The following RAPGEF4 variants were observed in gnomAD, a reference collection of about 807,000 sequenced individuals.
RAPGEF4 encodes Rap guanine nucleotide exchange factor 4.
Under a neutral mutation model 147.9 loss-of-function variants are expected in RAPGEF4, and 66 were observed. The observed-to-expected ratio is 0.45, with a 90% CI of 0.37 to 0.55. The LOEUF is 0.55. RAPGEF4 is among the 20% of genes least tolerant of loss of function. The probability of loss-of-function intolerance (pLI) is 0.00; values close to 1 mark genes in which losing one functional copy is unlikely to be tolerated. For missense variants in RAPGEF4, 1,071 were observed against 1,257.3 expected, an observed-to-expected ratio of 0.85 and a Z score of 2.24; for synonymous variants, 419 against 442.7, an observed-to-expected ratio of 0.95 and a Z score of 0.67.
chr2:172,807,366 C>T (rs565100309), intron 3 of RAPGEF4, among the ~76,000 whole-genome samples: 1 of 152,346 alleles, frequency 6.6e-6, no homozygotes, highest in African/African-American at 2.4e-5. Context: ...CTTGCCTGAT[C>T]TTGTTAAGCT....
At chr2:172,996,577 A>T in intron 16 of RAPGEF4, 23 bp downstream of exon 16, 2 of 1,454,386 alleles carry the variant, frequency 1.4e-6, no homozygotes, top group South Asian at 1.3e-5. Flanking sequence ...AACCGTTTGC[A>T]TGTCCATTAA....
At chr2:172,761,118 A>AT (rs1322146979) in intron 1 of RAPGEF4, among the ~76,000 whole-genome samples, 8 of 145,346 alleles carry the variant, frequency 5.5e-5, no homozygotes, top group Middle Eastern at 3.5e-3. Context: ...TTTTTTTTTA[A>AT]TTTTTTTTTC....
chr2:172,986,313 A>G (rs1692245016), intron 12 of RAPGEF4, among the ~76,000 whole-genome samples: 2 of 152,238 alleles, frequency 1.3e-5, no homozygotes, highest in African/African-American at 4.8e-5. Flanking sequence ...CACTTTTTGC[A>G]TGGACACCTG....
intron 16 of RAPGEF4, among the ~76,000 whole-genome samples, chr2:172,998,477 C>A (rs767687510): frequency 2.0e-5 from 3 of 152,100 alleles, no homozygotes; most frequent in Non-Finnish European, 4.4e-5. Flanking sequence ...ACTTTGGGGG[C>A]CAAGGCGGGA....
intron 6 of RAPGEF4, among the ~76,000 whole-genome samples, chr2:172,925,438 CT>C (rs976441824): frequency 6.6e-6 from 1 of 152,202 alleles, no homozygotes; most frequent in Non-Finnish European, 1.5e-5. Flanking sequence ...TGGGCAGCTA[CT>C]TGCTGGATTA....
intron 4 of RAPGEF4, among the ~76,000 whole-genome samples, chr2:172,882,727 T>G (rs1048406454): frequency 6.6e-6 from 1 of 152,168 alleles, no homozygotes; most frequent in Admixed American, 6.5e-5. Context: ...CTAGCTATAA[T>G]GTAAAGTTGA....
Position 172,925,587 on chromosome 2 carries a change from T to TACACACACACACAC in RAPGEF4, c.537+3304_537+3317dup, listed in dbSNP as rs10534191. ...AGGACACATAGTGAGACTCTGTCTG[T>TACACACACACACAC]ACACACACACACACACACACACACA... On this transcript the variant is annotated intron_variant, in intron 6 of 30. Coordinates refer to ENST00000397081, the MANE Select transcript of RAPGEF4 (RefSeq NM_007023.4). Among the ~76,000 whole-genome samples, 40 of 147,094 alleles carry TACACACACACACAC rather than the reference T, an allele frequency of 2.7e-4. 1 individual carries two copies. In the South Asian group the frequency reaches 8.0e-3, roughly 29 times the overall value.
intron 4 of RAPGEF4, among the ~76,000 whole-genome samples, chr2:172,869,235 A>T (rs1333806404): frequency 6.6e-6 from 1 of 152,196 alleles, no homozygotes; most frequent in East Asian, 1.9e-4. Flanking sequence ...TTCATAAACA[A>T]TCCAGCTCTA....
rs574980649 is a variant in RAPGEF4, at chr2:172,930,228, C to T, written c.537+7928C>T. On this transcript the variant is annotated intron_variant, in intron 6 of 30. Coordinates refer to ENST00000397081, the MANE Select transcript of RAPGEF4 (RefSeq NM_007023.4). The stretch of plus-strand genomic sequence containing the variant: ...TTTCTCTTCTGAATTATTTTGGGCA[C>T]TCTTCTTTCTAAGGATCCCTTTCAA... 5.3e-5 allele frequency among the ~76,000 whole-genome samples: 8 copies of T among 152,226 alleles called. No homozygotes were observed. The East Asian group carries it at 1.5e-3, about 29-fold the overall frequency.
intron 10 of RAPGEF4, among the ~76,000 whole-genome samples, chr2:172,980,318 G>T (rs1173440794): frequency 1.3e-5 from 2 of 152,138 alleles, no homozygotes; most frequent in African/African-American, 4.8e-5. Context: ...GGAAGAGATG[G>T]CCAGGAAGCC....
intron 18 of RAPGEF4, among the ~76,000 whole-genome samples, chr2:173,015,641 T>G (rs1369988040): frequency 6.6e-6 from 1 of 152,204 alleles, no homozygotes; most frequent in Non-Finnish European, 1.5e-5. Context: ...AGGACCATTT[T>G]GTAGATGAAC....
intron 1 of RAPGEF4, among the ~76,000 whole-genome samples, chr2:172,758,260 G>A (rs911116520): frequency 1.3e-5 from 2 of 152,090 alleles, no homozygotes; most frequent in African/African-American, 4.8e-5. Context: ...GGATGTTGTG[G>A]CCAGGGTGAA....
intron 4 of RAPGEF4, among the ~76,000 whole-genome samples, chr2:172,890,226 G>A (rs1032736387): frequency 1.3e-5 from 2 of 152,248 alleles, no homozygotes; most frequent in South Asian, 4.1e-4. Flanking sequence ...TCTATTTAAG[G>A]AGAGGAAGTT....
intron 6 of RAPGEF4, among the ~76,000 whole-genome samples, chr2:172,956,547 G>T (rs1311254960): frequency 1.4e-5 from 2 of 147,422 alleles, no homozygotes; most frequent in African/African-American, 5.0e-5. Flanking sequence ...TCAGCTCACT[G>T]CAACCTCCGC....
Position 173,048,165 on chromosome 2 carries a change from A to C in RAPGEF4, c.2854-435A>C, listed in dbSNP as rs540327068. 1.3e-4 allele frequency: 21 copies of C among 155,786 alleles called. No individual in the cohort carries two copies. The South Asian group carries it at 2.6e-3, about 19-fold the overall frequency. 9.7% of individuals were successfully genotyped at this position (155,786 alleles called of 1,614,324 possible). A position where few individuals can be genotyped will look rare whatever the true frequency, so the allele number is the denominator to read the frequency against. On this transcript the variant is annotated intron_variant, in intron 29 of 30. Coordinates refer to ENST00000397081, the MANE Select transcript of RAPGEF4 (RefSeq NM_007023.4). ...GGTAGAATATTTTGACTTGCTGTTCAGCCAATAAAATCTCATACCTCATTA... is the reference window on the plus strand; with the variant it reads ...GGTAGAATATTTTGACTTGCTGTTCCGCCAATAAAATCTCATACCTCATTA...
chr2:172,794,998 G>A (rs1265333918), intron 1 of RAPGEF4, 27 bp from the exon 2 acceptor site: 12 of 1,585,658 alleles, frequency 7.6e-6, no homozygotes, highest in Non-Finnish European at 9.4e-6. Context: ...TACTGACATA[G>A]CTTTTGTGCC....
intron 10 of RAPGEF4, among the ~76,000 whole-genome samples, chr2:172,976,608 T>C (rs1330260749): frequency 6.6e-6 from 1 of 152,200 alleles, no homozygotes; most frequent in East Asian, 1.9e-4. Flanking sequence ...ATATTTATAA[T>C]GTTGATTTCT....
chr2:172,828,202 G>T (rs931094957), intron 4 of RAPGEF4, among the ~76,000 whole-genome samples: 1 of 152,156 alleles, frequency 6.6e-6, no homozygotes, highest in Non-Finnish European at 1.5e-5. Context: ...GAGGTGGAAG[G>T]AATAGAGAAA....
At chr2:172,874,847 GT>G (rs1695692285) in intron 4 of RAPGEF4, among the ~76,000 whole-genome samples, 1 of 152,076 alleles carries the variant, frequency 6.6e-6, no homozygotes, top group Non-Finnish European at 1.5e-5. Context: ...TGGTTGAACA[GT>G]TTACAGTCCC....
Sources: allele counts gnomAD v4.1 joint callset (sites outside exome capture counted in the v4.1 genomes callset), GRCh38; gene constraint gnomAD v4.1.1; transcripts MANE v1.5; gene names NCBI Gene and HGNC (gene_info 2026-07-23, HGNC 2026-07-21).